Variants in RPTOR observed in about 807,000 individuals in gnomAD.
The protein encoded by RPTOR is regulatory-associated protein of mTOR.
RPTOR carries 21 observed loss-of-function variants against 169.9 expected under a neutral mutation model. The ratio of observed to expected loss-of-function variants is 0.12; its 90% CI spans 0.09 to 0.18. The LOEUF (loss-of-function observed/expected upper bound fraction) is 0.18. Among genes scored for constraint, RPTOR ranks in the 10% least tolerant of loss-of-function variants. The pLI is 1.00. For missense variants in RPTOR, 1,133 were observed against 1,855.9 expected, an observed-to-expected ratio of 0.61 and a Z score of 7.16; for synonymous variants, 732 against 753.2, an observed-to-expected ratio of 0.97 and a Z score of 0.46.
chr17:80,617,817 A>C (rs2065323355), intron 1 of RPTOR, among the ~76,000 whole-genome samples: 1 of 152,158 alleles, frequency 6.6e-6, no homozygotes, highest in Non-Finnish European at 1.5e-5. Context: ...CTGGCTGCGC[A>C]CGCTAGGCCT....
chr17:80,589,941 A>G (rs2065091028), intron 1 of RPTOR, among the ~76,000 whole-genome samples: 2 of 152,222 alleles, frequency 1.3e-5, no homozygotes, highest in African/African-American at 4.8e-5. Flanking sequence ...TGTTGAATAA[A>G]TGTGGGGGCA....
chr17:80,663,614 C>T (rs1257590610), intron 3 of RPTOR, among the ~76,000 whole-genome samples: 2 of 152,136 alleles, frequency 1.3e-5, no homozygotes, highest in Non-Finnish European at 2.9e-5. Context: ...TATGTTTGTG[C>T]TTATTATGGA....
chr17:80,766,117 G>A (rs1289312768), intron 6 of RPTOR, among the ~76,000 whole-genome samples: 8 of 152,034 alleles, frequency 5.3e-5, no homozygotes, highest in Admixed American at 5.2e-4. Flanking sequence ...GTGCAGTGGT[G>A]TGAACACGGC....
chr17:80,690,471 CA>C (rs1311220998), intron 3 of RPTOR, among the ~76,000 whole-genome samples: 24 of 152,212 alleles, frequency 1.6e-4, no homozygotes, highest in African/African-American at 5.8e-4. Flanking sequence ...ACTCTCTGTG[CA>C]CCTGTCTGCC....
chr17:80,765,895 G>A (rs1029070674), intron 6 of RPTOR, among the ~76,000 whole-genome samples: 7 of 152,156 alleles, frequency 4.6e-5, no homozygotes, highest in African/African-American at 1.7e-4. Context: ...TCTTCCCTTC[G>A]AAGCTGGGAA....
In RPTOR at chr17:80,791,483, T is replaced by C. The variant is rs764462346; in HGVS notation, c.864T>C (p.Pro288=). 5 of 1,613,954 alleles carry C rather than the reference T, an allele frequency of 3.1e-6. No individual in the cohort carries two copies. The highest frequency in any genetic ancestry group is 4.2e-6 in the Non-Finnish European group (5 of 1,179,990). Residue 288 remains proline (P), a synonymous_variant, in exon 7 of 34, where the codon CCT becomes CCC. Coordinates refer to ENST00000306801, the MANE Select transcript of RPTOR (RefSeq NM_020761.3). ...FCMQKCVSLV[P]GVTLDLIEKI... Reference sequence around the variant, plus strand: ...TGCAGAAATGTGTCAGTCTGGTGCCTGGCGTCACACTGGATTTGATAGAAA... The same window carrying C: ...TGCAGAAATGTGTCAGTCTGGTGCCCGGCGTCACACTGGATTTGATAGAAA...
At chr17:80,692,523 G>A (rs945987179) in intron 3 of RPTOR, among the ~76,000 whole-genome samples, 2 of 152,190 alleles carry the variant, frequency 1.3e-5, no homozygotes, top group African/African-American at 2.4e-5. Context: ...GTTTCTCCAT[G>A]TTGGTCAGGC....
chr17:80,550,071 C>T (rs1424690451), intron 1 of RPTOR, among the ~76,000 whole-genome samples: 5 of 152,208 alleles, frequency 3.3e-5, no homozygotes, highest in South Asian at 4.1e-4. Flanking sequence ...AAGGTTTATG[C>T]GGTCTTTTCA....
At chr17:80,582,192 G>A (rs796852450) in intron 1 of RPTOR, among the ~76,000 whole-genome samples, 28 of 152,330 alleles carry the variant, frequency 1.8e-4, no homozygotes, top group African/African-American at 6.7e-4. Flanking sequence ...TGCTTGTGGT[G>A]GAAGCGTGGT....
chr17:80,756,974 A>G (rs1429373714), intron 6 of RPTOR, among the ~76,000 whole-genome samples: 4 of 152,220 alleles, frequency 2.6e-5, no homozygotes, highest in Non-Finnish European at 5.9e-5. Flanking sequence ...GTGCACTGTA[A>G]TGTTTGAAAT....
chr17:80,896,220 A>AC (rs1401555507), intron 20 of RPTOR, among the ~76,000 whole-genome samples: 1 of 151,614 alleles, frequency 6.6e-6, no homozygotes, highest in Non-Finnish European at 1.5e-5. Flanking sequence ...TCTTTATGCC[A>AC]CCCCAGACCC....
intron 6 of RPTOR, among the ~76,000 whole-genome samples, chr17:80,778,165 C>A (rs1330569100): frequency 1.3e-5 from 2 of 152,202 alleles, no homozygotes; most frequent in Non-Finnish European, 2.9e-5. Context: ...CACCGAGTCA[C>A]TCTTTCTGTG....
chr17:80,727,279 G>A (rs563448980), intron 4 of RPTOR, among the ~76,000 whole-genome samples: 46 of 146,250 alleles, frequency 3.1e-4, no homozygotes, highest in African/African-American at 1.1e-3. Context: ...CTCCGAGAAC[G>A]TGGACGCTGC....
chr17:80,811,133 G>T (rs1567924622), intron 7 of RPTOR, among the ~76,000 whole-genome samples: 1 of 152,212 alleles, frequency 6.6e-6, no homozygotes, highest in Non-Finnish European at 1.5e-5. Flanking sequence ...ACGCAATACA[G>T]CTGGGTGTTG....
intron 24 of RPTOR, among the ~76,000 whole-genome samples, chr17:80,930,452 C>A (rs201458174): frequency 8.1e-5 from 12 of 147,750 alleles, no homozygotes; most frequent in Admixed American, 2.0e-4. Context: ...TCATCCTCAG[C>A]TCATCCCCAG....
intron 14 of RPTOR, among the ~76,000 whole-genome samples, chr17:80,882,506 G>A (rs892162082): frequency 2.0e-5 from 3 of 152,164 alleles, no homozygotes; most frequent in South Asian, 2.1e-4. Flanking sequence ...GGGAGCCCTC[G>A]GCGTGCGAGG....
intron 21 of RPTOR, among the ~76,000 whole-genome samples, chr17:80,913,014 G>A (rs1411487588): frequency 2.6e-5 from 4 of 152,086 alleles, no homozygotes; most frequent in African/African-American, 4.8e-5. Flanking sequence ...GTCTGTGTGC[G>A]TGTGTGTGCA....
intron 3 of RPTOR, among the ~76,000 whole-genome samples, chr17:80,669,343 T>TG (rs1392257544): frequency 4.6e-5 from 7 of 152,236 alleles, no homozygotes; most frequent in Non-Finnish European, 1.0e-4. Context: ...CAGTGGTTTC[T>TG]GGGGAACTTC....
chr17:80,556,120 GC>G (rs11291917), intron 1 of RPTOR, among the ~76,000 whole-genome samples: 11,029 of 151,828 alleles, frequency 0.073, 1,356 homozygotes, highest in African/African-American at 0.25. Context: ...AAGGGCAGTG[GC>G]CTTACATGTG....
Sources: gnomAD v4.1 joint callset for allele counts (sites outside exome capture counted in the v4.1 genomes callset) on GRCh38, gnomAD v4.1.1 for gene constraint, MANE v1.5 for transcripts, NCBI Gene and HGNC (gene_info 2026-07-23, HGNC 2026-07-21) for gene names.